Variants in CREBBP observed in about 807,000 individuals in gnomAD.
The protein encoded by CREBBP is CREB binding lysine acetyltransferase, also known as CREB-binding protein.
In CREBBP, 19 loss-of-function variants were observed where a neutral mutation model predicts 265.0. The observed-to-expected ratio is 0.07, with a 90% CI of 0.05 to 0.11. The LOEUF (loss-of-function observed/expected upper bound fraction) is 0.11. Among genes scored for constraint, CREBBP ranks in the 10% least tolerant of loss-of-function variants. CREBBP has a pLI of 1.00. For missense variants in CREBBP, 2,525 were observed against 3,219.0 expected (o/e 0.78, Z 5.22); for synonymous variants, 1,457 against 1,223.7 (o/e 1.19, Z -3.98).
intron 2 of CREBBP, among the ~76,000 whole-genome samples, chr16:3,849,447 GTGTGTGTGTGTGTGT>G (rs2054769163): frequency 3.1e-5 from 1 of 31,820 alleles, no homozygotes; most frequent in Non-Finnish European, 1.1e-4. Flanking sequence ...GTGTGTGTGT[GTGTGTGTGTGTGTGT>G]GTGTGTGTGT....
intron 1 of CREBBP, among the ~76,000 whole-genome samples, chr16:3,861,162 A>C (rs1310426528): frequency 6.6e-6 from 1 of 151,844 alleles, no homozygotes; most frequent in African/African-American, 2.4e-5. Flanking sequence ...GGTGCCTATA[A>C]CCCCAGCTAC....
At chr16:3,877,484 C>A (rs1051775326) in intron 1 of CREBBP, among the ~76,000 whole-genome samples, 3 of 152,158 alleles carry the variant, frequency 2.0e-5, no homozygotes, top group Non-Finnish European at 4.4e-5. Flanking sequence ...CTCACTGCAA[C>A]CTCTGCCTCC....
Position 3,731,723 on chromosome 16 carries a change from C to G in CREBBP, c.4890+53G>C. 6.2e-7 allele frequency: 1 copy of G among 1,612,352 alleles called. No individual in the cohort carries two copies. Among genetic ancestry groups the G allele is most frequent in the South Asian group, 1.1e-5 (1 of 91,034 alleles). On this transcript the variant is annotated intron_variant, in intron 29 of 30. Coordinates refer to ENST00000262367, the MANE Select transcript of CREBBP (RefSeq NM_004380.3). This position sits in a 1 kb window ranked among gnomAD's most constrained non-coding sequence, Gnocchi z 7.7. ...GGGCCCACGCCCGCCAGCTGCGAGT[C>G]TTTCCCTCCTCCCGGCCAGAGGCAC...
At chr16:3,857,736 C>CCA (rs1388386041) in intron 1 of CREBBP, among the ~76,000 whole-genome samples, 1 of 152,170 alleles carries the variant, frequency 6.6e-6, no homozygotes, top group East Asian at 1.9e-4. Flanking sequence ...GGAAACTTCA[C>CCA]CAGCCGATAT....
intron 12 of CREBBP, 34 bp from the exon 13 acceptor site, chr16:3,773,964 T>TC: frequency 5.6e-6 from 9 of 1,611,038 alleles, no homozygotes; most frequent in Non-Finnish European, 6.8e-6. Context: ...GAGCTGTAGT[T>TC]CGGAAGCTGA....
At chr16:3,799,421 A>C (rs2053670021) in intron 3 of CREBBP, among the ~76,000 whole-genome samples, 1 of 152,230 alleles carries the variant, frequency 6.6e-6, no homozygotes. Context: ...AGATTTAAAA[A>C]ATGCTAATTG....
chr16:3,850,252 C>G, intron 2 of CREBBP, 45 bp downstream of exon 2: 1 of 1,605,412 alleles, frequency 6.2e-7, no homozygotes, highest in Middle Eastern at 1.7e-4. Context: ...GGAGGGAAAG[C>G]CCGCGGTTAG....
chr16:3,769,734 G>T (rs778737420), intron 14 of CREBBP, among the ~76,000 whole-genome samples: 5 of 152,328 alleles, frequency 3.3e-5, no homozygotes, highest in African/African-American at 1.2e-4. Context: ...CATCTGAAGG[G>T]AGGGAAATCA....
chr16:3,725,429 A>C lies in CREBBP; in HGVS notation c.*2289T>G, dbSNP rs961386426. The C allele has an allele frequency of 4.3e-6, 1 of 233,168 alleles. No homozygotes were observed. Among genetic ancestry groups the C allele is most frequent in the African/African-American group, 2.2e-5 (1 of 45,366 alleles). The allele number at this position is 233,168 out of a possible 1,614,324, so 14.4% of individuals were successfully genotyped here. A position where few individuals can be genotyped will look rare whatever the true frequency, so the allele number is the denominator to read the frequency against. On this transcript the variant is annotated 3_prime_UTR_variant, in exon 31 of 31. Coordinates refer to ENST00000262367, the MANE Select transcript of CREBBP (RefSeq NM_004380.3). ...GGCGCCACTTTCTGAGTGTGGGCTT[A>C]GAGCTGCTGCTCTCGGGCTCTAGCC...
intron 5 of CREBBP, among the ~76,000 whole-genome samples, chr16:3,786,616 G>A (rs1435820107): frequency 1.3e-5 from 2 of 152,184 alleles, no homozygotes; most frequent in Non-Finnish European, 2.9e-5. Flanking sequence ...AGTGAGCCAC[G>A]GGGTCACCCA....
chr16:3,832,560 C>G (rs2141418087), intron 2 of CREBBP, among the ~76,000 whole-genome samples: 1 of 152,278 alleles, frequency 6.6e-6, no homozygotes, highest in African/African-American at 2.4e-5. Flanking sequence ...ATGGTATAGC[C>G]CACTGCTTCC....
chr16:3,790,655 A>G (rs1331564226), intron 5 of CREBBP, among the ~76,000 whole-genome samples: 1 of 152,164 alleles, frequency 6.6e-6, no homozygotes, highest in Non-Finnish European at 1.5e-5. Context: ...TGGCCAGGAA[A>G]CTGGCTTTTA....
chr16:3,762,924 G>A (rs2052758161), intron 16 of CREBBP, among the ~76,000 whole-genome samples: 1 of 152,006 alleles, frequency 6.6e-6, no homozygotes, highest in African/African-American at 2.4e-5. Context: ...ACAGGCGCCT[G>A]TCACCATGGC....
At chr16:3,861,949 T>C (rs1241317206) in intron 1 of CREBBP, among the ~76,000 whole-genome samples, 1 of 152,184 alleles carries the variant, frequency 6.6e-6, no homozygotes, top group Non-Finnish European at 1.5e-5. Context: ...ATCACTGATC[T>C]GCTGAAGAGC....
In CREBBP at chr16:3,731,482, G is replaced by C. The variant is rs769499605; in HGVS notation, c.4891-9C>G. On this transcript the variant is annotated splice_polypyrimidine_tract_variant and intron_variant, in intron 29 of 30. Coordinates refer to ENST00000262367, the MANE Select transcript of CREBBP (RefSeq NM_004380.3). The surrounding 1 kb of genome is among the most constrained non-coding windows in gnomAD (Gnocchi z 7.7). ...TGGATCACGAAGAAGACCTGCAGGA[G>C]AGGAGGGGCTTTAGTCCCACACAAG... The C allele has an allele frequency of 8.9e-6, 14 of 1,576,584 alleles. No individual in the cohort carries two copies. Among genetic ancestry groups the C allele is most frequent in the African/African-American group, 2.7e-5 (2 of 74,554 alleles).
intron 21 of CREBBP, among the ~76,000 whole-genome samples, chr16:3,749,318 C>G (rs1239842492): frequency 6.6e-6 from 1 of 152,180 alleles, no homozygotes; most frequent in Non-Finnish European, 1.5e-5. Context: ...CCTTTGGTCT[C>G]TAAAGATTCA....
At chr16:3,864,403 G>A (rs1345574287) in intron 1 of CREBBP, among the ~76,000 whole-genome samples, 1 of 152,158 alleles carries the variant, frequency 6.6e-6, no homozygotes, top group East Asian at 1.9e-4. Flanking sequence ...CTGGCACTTT[G>A]GGAAGCCGAG....
At chr16:3,869,379 G>A (rs1395852533) in intron 1 of CREBBP, among the ~76,000 whole-genome samples, 2 of 152,190 alleles carry the variant, frequency 1.3e-5, no homozygotes, top group East Asian at 1.9e-4. Flanking sequence ...TGAACAGTGT[G>A]ACCTAAGCCG....
In CREBBP at chr16:3,726,581, T is replaced by A. The variant is rs1455196451; in HGVS notation, c.*1137A>T. The A allele has an allele frequency of 7.7e-5, 18 of 233,408 alleles. No homozygotes were observed. The Admixed American group carries it at 1.0e-3, about 13-fold the overall frequency. 14.5% of individuals were successfully genotyped at this position (233,408 alleles called of 1,614,324 possible). A position where few individuals can be genotyped will look rare whatever the true frequency, so the allele number is the denominator to read the frequency against. On this transcript the variant is annotated 3_prime_UTR_variant, in exon 31 of 31. Coordinates refer to ENST00000262367, the MANE Select transcript of CREBBP (RefSeq NM_004380.3). ...GAACCATGTCTTACAAAGAACAGAC[T>A]CAAAAAATATATATAAATAAATAAA...
Sources: allele counts gnomAD v4.1 joint callset (sites outside exome capture counted in the v4.1 genomes callset), GRCh38; gene constraint gnomAD v4.1.1; non-coding constraint Gnocchi (gnomAD v3.1); transcripts MANE v1.5; gene names NCBI Gene and HGNC (gene_info 2026-07-23, HGNC 2026-07-21).